ZNF384: variants seen among roughly 807,000 people sequenced by gnomAD.
ZNF384 encodes CAG repeat protein 1.
ZNF384 carries 20 observed loss-of-function variants against 65.0 expected under a neutral mutation model. The ratio of observed to expected loss-of-function variants is 0.31; its 90% CI spans 0.22 to 0.45. The LOEUF is 0.45. Among genes scored for constraint, ZNF384 ranks in the 20% least tolerant of loss-of-function variants. The pLI is 1.00. For synonymous variants in ZNF384, 310 were observed against 303.9 expected (o/e 1.02, Z -0.21); for missense variants, 549 against 769.4 (o/e 0.71, Z 3.39).
At position 6,678,552 on chromosome 12, in the gene ZNF384, C is replaced by T; in HGVS notation, c.353-92G>A. ...CCCCCAGATCATTGTCTAATTAACCCCTCACCCCCCCGCCGACCCAACCCA... is the reference window on the plus strand; with the variant it reads ...CCCCCAGATCATTGTCTAATTAACCTCTCACCCCCCCGCCGACCCAACCCA... On this transcript the variant is annotated intron_variant, in intron 5 of 11. Transcript: ENST00000683879. The surrounding 1 kb of genome is among the most constrained non-coding windows in gnomAD (Gnocchi z 4.9). 6.5e-7 allele frequency: 1 copy of T among 1,532,910 alleles called. No homozygotes were observed. The highest frequency in any genetic ancestry group is 8.9e-7 in the Non-Finnish European group (1 of 1,119,454). The allele number at this position is 1,532,910 out of a possible 1,614,324, so 95.0% of individuals were successfully genotyped here.
rs1949860946 is a variant in ZNF384 at position 6,666,682 on chromosome 12, AGGG to A, written c.*1029_*1031del. 6.0e-6 allele frequency: 1 copy of A among 167,988 alleles called. No homozygotes were observed. Among genetic ancestry groups the A allele is most frequent in the Non-Finnish European group, 1.3e-5 (1 of 77,528 alleles). The allele number at this position is 167,988 out of a possible 1,614,324, so 10.4% of individuals were successfully genotyped here. ...AAGAAAAATGCTGTGGCTAGAGGAC[AGGG>A]GTGGAGAGAGGGAAAAAAAGGACAA... is the stretch of plus-strand genomic sequence containing the variant. On this transcript the variant is annotated 3_prime_UTR_variant, in exon 12 of 12. Transcript: ENST00000683879.
rs940023629 is a variant in ZNF384, at chr12:6,689,275, T to G, written c.-243A>C. Reference sequence around the variant, plus strand: ...TCTGGAGCGAGACAGACCCACACACTCACACGCACGGAACGCGCGCGAGAC... The same window carrying G: ...TCTGGAGCGAGACAGACCCACACACGCACACGCACGGAACGCGCGCGAGAC... On this transcript the variant is annotated 5_prime_UTR_variant, in exon 1 of 12. Coordinates refer to ENST00000683879, the MANE Select transcript of ZNF384 (RefSeq NM_001385745.1). 2.0e-5 allele frequency: 3 copies of G among 152,606 alleles called. No individual in the cohort carries two copies. The highest frequency in any genetic ancestry group is 3.2e-3 in the Middle Eastern group (1 of 316). 9.5% of individuals were successfully genotyped at this position (152,606 alleles called of 1,614,324 possible).
At chr12:6,688,429 A>C (rs1438623609) in intron 1 of ZNF384, 1 of 152,276 alleles carries the variant, frequency 6.6e-6, no homozygotes. Flanking sequence ...TCCAATTCCC[A>C]GAAACTAAGA....
chr12:6,679,241 T>C lies in ZNF384; in HGVS notation c.67-58A>G, dbSNP rs185195147. 1.2e-3 allele frequency: 1,800 copies of C among 1,472,230 alleles called. 4 individuals carry two copies. Among genetic ancestry groups the C allele is most frequent in the Admixed American group, 2.0e-3 (97 of 48,812 alleles). 91.2% of individuals were successfully genotyped at this position (1,472,230 alleles called of 1,614,324 possible). The stretch of plus-strand genomic sequence containing the variant: ...CTTCAGCCTGAGAGGCTGATTCTGC[T>C]TGCTCGTGAGCACACTTCAGTGTCT... On this transcript the variant is annotated intron_variant, in intron 3 of 11. Coordinates refer to ENST00000683879, the MANE Select transcript of ZNF384 (RefSeq NM_001385745.1).
Position 6,673,371 on chromosome 12 carries a change from C to T in ZNF384, c.849G>A (p.Glu283=), listed in dbSNP as rs954863196. Reference sequence around the variant, plus strand: ...AATGTGGGCACTTGTGGGGCTTGGTCTCGGTGTGTGACTTGGAGTGGATCT... The same window carrying T: ...AATGTGGGCACTTGTGGGGCTTGGTTTCGGTGTGTGACTTGGAGTGGATCT... ...EMQIHSKSHT[E]TKPHKCPHCS... The change falls in exon 8 of 12, where the codon GAG becomes GAA. Residue 283 remains glutamate (E), a synonymous_variant. Coordinates refer to ENST00000683879, the MANE Select transcript of ZNF384 (RefSeq NM_001385745.1). The surrounding 1 kb of genome is among the most constrained non-coding windows in gnomAD (Gnocchi z 4.7). The T allele has an allele frequency of 6.2e-7, 1 of 1,613,996 alleles. No individual in the cohort carries two copies.
chr12:6,683,407 G>C (rs1021339585), intron 2 of ZNF384, among the ~76,000 whole-genome samples: 10 of 152,186 alleles, frequency 6.6e-5, no homozygotes, highest in Non-Finnish European at 1.5e-4. Context: ...GCTGGGTGTG[G>C]TGGCTCATGC....
At chr12:6,670,023 T>C (rs1354697181) in intron 10 of ZNF384, among the ~76,000 whole-genome samples, 2 of 152,172 alleles carry the variant, frequency 1.3e-5, no homozygotes, top group African/African-American at 4.8e-5. Context: ...AGTGGCTTCA[T>C]TGTGCCTTAT....
chr12:6,670,323 G>A (rs1951043479), intron 10 of ZNF384, among the ~76,000 whole-genome samples: 1 of 152,062 alleles, frequency 6.6e-6, no homozygotes, highest in Admixed American at 6.6e-5. Context: ...AGCTACTTGG[G>A]AGGCTGAGGT....
At position 6,678,599 on chromosome 12, in the gene ZNF384, C is replaced by A. The variant is rs1426660726; in HGVS notation, c.352+64G>T. On this transcript the variant is annotated intron_variant, in intron 5 of 11. Coordinates refer to ENST00000683879, the MANE Select transcript of ZNF384 (RefSeq NM_001385745.1). This position sits in a 1 kb window ranked among gnomAD's most constrained non-coding sequence, Gnocchi z 4.9. ...CCCAGAGTACACAGGAAATCCCAAA[C>A]CCTGTAGAAAAATAATGGTCTCCTA... 3.8e-6 allele frequency: 6 copies of A among 1,586,694 alleles called. No homozygotes were observed. The highest frequency in any genetic ancestry group is 4.3e-6 in the Non-Finnish European group (5 of 1,160,426).
At chr12:6,679,866 G>A (rs1955249407) in intron 2 of ZNF384, among the ~76,000 whole-genome samples, 1 of 152,238 alleles carries the variant, frequency 6.6e-6, no homozygotes, top group African/African-American at 2.4e-5. Context: ...AGATGATGTA[G>A]CTAAGGTCAC....
intron 2 of ZNF384, among the ~76,000 whole-genome samples, chr12:6,683,335 G>C (rs1260507793): frequency 6.6e-6 from 1 of 150,882 alleles, no homozygotes; most frequent in Non-Finnish European, 1.5e-5. Flanking sequence ...TAATAATTAG[G>C]AGGGAGAATA....
chr12:6,681,343 G>A (rs768356992), intron 2 of ZNF384, among the ~76,000 whole-genome samples: 3 of 152,236 alleles, frequency 2.0e-5, no homozygotes, highest in Non-Finnish European at 2.9e-5. Context: ...CACTTCTCCT[G>A]GCAAGGTTTA....
intron 3 of ZNF384, 62 bp downstream of exon 3, chr12:6,679,393 T>C (rs1955015415): frequency 6.7e-7 from 1 of 1,489,800 alleles, no homozygotes; most frequent in African/African-American, 1.4e-5. Flanking sequence ...GTACCTTCAG[T>C]CTCCATAGTA....
Position 6,678,300 on chromosome 12 carries a change from G to C in ZNF384, c.513C>G (p.Thr171=), listed in dbSNP as rs143245138. 3.7e-6 allele frequency: 6 copies of C among 1,614,134 alleles called. No individual in the cohort carries two copies. Among genetic ancestry groups the C allele is most frequent in the Non-Finnish European group, 5.1e-6 (6 of 1,180,024 alleles). ...CACCTCCGCCTCCTTCCTCGGTTAGGGTCGATGCTACCTTCTTGGAGAGGT... is the reference window on the plus strand; with the variant it reads ...CACCTCCGCCTCCTTCCTCGGTTAGCGTCGATGCTACCTTCTTGGAGAGGT... The part of the protein sequence containing the change: ...VPDLSKKVAS[T]LTEEGGGGGG... Residue 171 remains threonine (T), a synonymous_variant, in exon 6 of 12, where the codon ACC becomes ACG. Transcript: ENST00000683879. The surrounding 1 kb of genome is among the most constrained non-coding windows in gnomAD (Gnocchi z 4.9).
rs1369008012 is a variant in ZNF384, at chr12:6,672,475, G to C, written c.1062C>G (p.Ser354=). 1 of 1,614,184 alleles carries C rather than the reference G, an allele frequency of 6.2e-7. No individual in the cohort carries two copies. Among genetic ancestry groups the C allele is most frequent in the Admixed American group, 1.7e-5 (1 of 60,024 alleles). Residue 354 remains serine, a synonymous_variant, in exon 9 of 12, where the codon TCC becomes TCG. Coordinates refer to ENST00000683879, the MANE Select transcript of ZNF384 (RefSeq NM_001385745.1). The surrounding 1 kb of genome is among the most constrained non-coding windows in gnomAD (Gnocchi z 4.4). ...GGTAGGAGGTGTTGGCGAAGGTCTT[G>C]GAGCAGTGCGGGCACTTGTGGGGCT... The part of the protein sequence containing the change: ...TIKPHKCPHC[S]KTFANTSYLA...
At chr12:6,680,603 C>T (rs929078878) in intron 2 of ZNF384, among the ~76,000 whole-genome samples, 35 of 151,040 alleles carry the variant, frequency 2.3e-4, no homozygotes, top group African/African-American at 4.9e-5. Context: ...GCTGAGATCG[C>T]GCCACTGCAC....
intron 10 of ZNF384, among the ~76,000 whole-genome samples, chr12:6,669,585 C>T (rs555297570): frequency 3.9e-4 from 59 of 152,008 alleles, no homozygotes; most frequent in Non-Finnish European, 7.4e-4. Context: ...TTGCAACCTC[C>T]GCTTCCCGGG....
At chr12:6,688,329 A>C (rs1375344526) in intron 1 of ZNF384, 103 bp from the exon 2 acceptor site, 1 of 152,602 alleles carries the variant, frequency 6.6e-6, no homozygotes, top group Non-Finnish European at 1.5e-5. Context: ...TCTGGAAGGC[A>C]GGCAGACCCC....
In ZNF384 at chr12:6,679,758, G is replaced by A. The variant is rs114747663; in HGVS notation, c.-5-233C>T. ...TTCATGACTGTGAAAGAACTTATAC[G>A]TATCACATTTACTCACACAATGTTA... On this transcript the variant is annotated intron_variant, in intron 2 of 11. Coordinates refer to ENST00000683879, the MANE Select transcript of ZNF384 (RefSeq NM_001385745.1). Among the ~76,000 whole-genome samples the A allele has an allele frequency of 5.4e-3, 820 of 152,194 alleles. 5 individuals are homozygous for A. Among genetic ancestry groups the A allele is most frequent in the Middle Eastern group, 0.024 (7 of 292 alleles).
Sources: allele counts gnomAD v4.1 joint callset (sites outside exome capture counted in the v4.1 genomes callset), GRCh38; gene constraint gnomAD v4.1.1; non-coding constraint Gnocchi (gnomAD v3.1); transcripts MANE v1.5; gene names NCBI Gene and HGNC (gene_info 2026-07-23, HGNC 2026-07-21).